Variants in SH2D4B observed in about 807,000 individuals in gnomAD.
SH2D4B encodes the protein SH2 domain-containing protein 4B.
SH2D4B carries 45 observed loss-of-function variants against 61.5 expected under a neutral mutation model. The ratio of observed to expected loss-of-function variants is 0.73; its 90% CI spans 0.58 to 0.94. SH2D4B has a LOEUF of 0.94. SH2D4B is among the 40% of genes least tolerant of loss of function. The pLI is 0.00. For synonymous variants in SH2D4B, 224 were observed against 220.4 expected (o/e 1.02, Z -0.14); for missense variants, 572 against 574.2 (o/e 1.00, Z 0.04).
intron 1 of SH2D4B, among the ~76,000 whole-genome samples, chr10:80,546,056 T>TG (rs1285751747): frequency 1.3e-5 from 2 of 150,546 alleles, no homozygotes; most frequent in East Asian, 3.9e-4. Context: ...CTTTTTTTTT[T>TG]TTTTTTTAGA....
At chr10:80,608,247 C>G (rs1404081542) in intron 5 of SH2D4B, among the ~76,000 whole-genome samples, 3 of 152,044 alleles carry the variant, frequency 2.0e-5, no homozygotes, top group Non-Finnish European at 4.4e-5. Flanking sequence ...AACAAAACCG[C>G]ACATTGGTAA....
chr10:80,556,565 C>T (rs1341203378), intron 1 of SH2D4B, among the ~76,000 whole-genome samples: 1 of 152,162 alleles, frequency 6.6e-6, no homozygotes, highest in East Asian at 1.9e-4. Flanking sequence ...AGGTGTATTG[C>T]TCCATTTATT....
intron 6 of SH2D4B, among the ~76,000 whole-genome samples, chr10:80,615,404 T>C (rs1842649638): frequency 2.0e-5 from 3 of 152,238 alleles, no homozygotes; most frequent in Non-Finnish European, 4.4e-5. Flanking sequence ...TCTTTGCATA[T>C]ACTGCCATCC....
intron 4 of SH2D4B, 56 bp from the exon 5 acceptor site, chr10:80,603,523 G>A (rs1350174937): frequency 2.4e-5 from 34 of 1,429,848 alleles, no homozygotes; most frequent in South Asian, 6.8e-5. Flanking sequence ...CCCAGCTGGC[G>A]CAGTGCACCG....
intron 6 of SH2D4B, among the ~76,000 whole-genome samples, chr10:80,616,363 C>G (rs1194530287): frequency 6.6e-6 from 1 of 152,168 alleles, no homozygotes; most frequent in Non-Finnish European, 1.5e-5. Context: ...CCACTTTCCT[C>G]TTAAGTTCTT....
chr10:80,641,112 A>G (rs1840296943), intron 7 of SH2D4B, among the ~76,000 whole-genome samples: 3 of 152,172 alleles, frequency 2.0e-5, no homozygotes. Context: ...CCTGGGTATC[A>G]CCAGCAGAGG....
chr10:80,603,560 G>T lies in SH2D4B; in HGVS notation c.644-19G>T. 6.6e-7 allele frequency: 1 copy of T among 1,522,182 alleles called. No individual in the cohort carries two copies. The highest frequency in any genetic ancestry group is 1.2e-5 in the South Asian group (1 of 81,634). 94.3% of individuals were successfully genotyped at this position (1,522,182 alleles called of 1,614,324 possible). ...CTGGGCTGCGGATCTGGGCTAACGTGCTGTCTTCCTCTTTCCAGTGCGCCG... is the reference window on the plus strand; with the variant it reads ...CTGGGCTGCGGATCTGGGCTAACGTTCTGTCTTCCTCTTTCCAGTGCGCCG... On this transcript the variant is annotated intron_variant, in intron 4 of 7. Transcript: ENST00000646907.
chr10:80,566,463 T>A (rs1357760277), intron 1 of SH2D4B, among the ~76,000 whole-genome samples: 1 of 151,844 alleles, frequency 6.6e-6, no homozygotes, highest in Non-Finnish European at 1.5e-5. Flanking sequence ...GCCCAGCTAA[T>A]TTTTGTAGTT....
At chr10:80,564,454 A>G (rs1407034382) in intron 1 of SH2D4B, among the ~76,000 whole-genome samples, 1 of 152,144 alleles carries the variant, frequency 6.6e-6, no homozygotes, top group Non-Finnish European at 1.5e-5. Context: ...GGCTTGGGAT[A>G]CTGCACTCAC....
intron 1 of SH2D4B, chr10:80,540,949 C>T (rs1841570361): frequency 1.3e-6 from 2 of 1,486,658 alleles, no homozygotes; most frequent in African/African-American, 1.4e-5. Flanking sequence ...ACCCCAGCCC[C>T]AGTTGATGTC....
Position 80,571,492 on chromosome 10 carries a change from C to T in SH2D4B, c.409C>T (p.Arg137Trp), listed in dbSNP as rs776769242. Residue 137 changes from arginine to tryptophan, a missense_variant, in exon 3 of 8, where the codon CGG becomes TGG. Physicochemically the swap from Arg to Trp is moderately radical, Grantham distance 101. Coordinates refer to ENST00000646907, the MANE Select transcript of SH2D4B (RefSeq NM_001388272.1). ...FRDALANEKA[R>W]ILAEKWKVEM... Reference sequence around the variant, plus strand: ...GGATGCTCTGGCCAATGAGAAAGCCCGGATCTTGGCGGAGAAGTGGAAAGT... The same window carrying T: ...GGATGCTCTGGCCAATGAGAAAGCCTGGATCTTGGCGGAGAAGTGGAAAGT... 5 of 1,614,062 alleles carry T rather than the reference C, an allele frequency of 3.1e-6. No individual in the cohort carries two copies. The highest frequency in any genetic ancestry group is 1.7e-6 in the Non-Finnish European group (2 of 1,180,014).
At chr10:80,575,539 T>A (rs1052865341) in intron 3 of SH2D4B, among the ~76,000 whole-genome samples, 1 of 152,070 alleles carries the variant, frequency 6.6e-6, no homozygotes, top group Non-Finnish European at 1.5e-5. Flanking sequence ...GGCGGGTGGA[T>A]CACTTGAGGT....
At chr10:80,598,065 C>G (rs1228435441) in intron 4 of SH2D4B, among the ~76,000 whole-genome samples, 1 of 152,240 alleles carries the variant, frequency 6.6e-6, no homozygotes, top group Non-Finnish European at 1.5e-5. Context: ...CCCGAAGCTA[C>G]TGCAGTGTGT....
intron 7 of SH2D4B, among the ~76,000 whole-genome samples, chr10:80,637,669 C>T (rs569021501): frequency 3.8e-4 from 58 of 152,314 alleles, no homozygotes; most frequent in African/African-American, 1.3e-3. Context: ...TGCTTATCAG[C>T]TTAAGGAGAT....
chr10:80,554,127 G>C (rs1319951710), intron 1 of SH2D4B, among the ~76,000 whole-genome samples: 1 of 152,224 alleles, frequency 6.6e-6, no homozygotes, highest in Non-Finnish European at 1.5e-5. Context: ...TTTTCCAGAA[G>C]ACTGAAGTTC....
At chr10:80,624,472 C>G (rs1842750213) in intron 6 of SH2D4B, among the ~76,000 whole-genome samples, 1 of 152,206 alleles carries the variant, frequency 6.6e-6, no homozygotes. Flanking sequence ...ACTCTATGTT[C>G]AGATCTCTAA....
intron 1 of SH2D4B, among the ~76,000 whole-genome samples, chr10:80,543,083 G>A (rs1369266785): frequency 6.6e-6 from 1 of 152,040 alleles, no homozygotes; most frequent in Non-Finnish European, 1.5e-5. Flanking sequence ...GCATCAAGTT[G>A]AGAGGTGACA....
chr10:80,565,236 C>G (rs1228995081), intron 1 of SH2D4B, among the ~76,000 whole-genome samples: 1 of 152,192 alleles, frequency 6.6e-6, no homozygotes, highest in African/African-American at 2.4e-5. Context: ...GAGTCCTTCT[C>G]AGGCCATATT....
At chr10:80,556,953 A>C (rs1841846110) in intron 1 of SH2D4B, among the ~76,000 whole-genome samples, 1 of 152,110 alleles carries the variant, frequency 6.6e-6, no homozygotes, top group Admixed American at 6.5e-5. Flanking sequence ...ATATGGAGAG[A>C]GCTAACAACC....
Sources: allele counts gnomAD v4.1 joint callset (sites outside exome capture counted in the v4.1 genomes callset), GRCh38; gene constraint gnomAD v4.1.1; transcripts MANE v1.5; gene names NCBI Gene and HGNC (gene_info 2026-07-23, HGNC 2026-07-21).